Variants in DLST observed in about 807,000 individuals in gnomAD.
The protein encoded by DLST is dihydrolipoyllysine-residue succinyltransferase component of 2-oxoglutarate dehydrogenase complex, mitochondrial.
Under a neutral mutation model 53.1 loss-of-function variants are expected in DLST, and 17 were observed. The ratio of observed to expected loss-of-function variants is 0.32; its 90% confidence interval spans 0.22 to 0.48. The LOEUF (loss-of-function observed/expected upper bound fraction) is 0.48, where lower values mean the gene tolerates loss of function less well. DLST is among the 20% of genes least tolerant of loss of function. The pLI, the probability that DLST is intolerant of heterozygous loss-of-function variation, is 0.99. For synonymous variants in DLST, 206 were observed against 204.8 expected (o/e 1.01, Z -0.05); for missense variants, 512 against 583.9 (o/e 0.88, Z 1.27).
At chr14:74,893,055 C>T in intron 8 of DLST, 69 bp downstream of exon 8, 1 of 1,260,902 alleles carries the variant, frequency 7.9e-7, no homozygotes, top group Non-Finnish European at 1.1e-6. Context: ...AAAGGGTAAA[C>T]TCTAGACTGA....
Position 74,899,928 on chromosome 14 carries a change from G to C in DLST, c.907G>C (p.Asp303His), listed in dbSNP as rs767091064. 1.9e-6 allele frequency: 3 copies of C among 1,612,262 alleles called. No homozygotes were observed. The Admixed American group carries it at 5.0e-5, about 27-fold the overall frequency. ...QEQPVVNAVI[D>H]DTTKEVVYRD... ...ATGTATTTTCTCTCTCATAGTGATT[G>C]ACGACACAACCAAAGAGGTGGTGTA... Residue 303 changes from aspartate to histidine, a missense_variant, in exon 12 of 15, where the codon GAC becomes CAC. This residue lies in a region of DLST where 186 missense variants were observed against 260.4 expected (regional missense o/e 0.71). Coordinates refer to ENST00000334220, the MANE Select transcript of DLST (RefSeq NM_001933.5).
intron 3 of DLST, among the ~76,000 whole-genome samples, chr14:74,886,891 G>A (rs914792413): frequency 6.6e-6 from 1 of 151,938 alleles, no homozygotes; most frequent in South Asian, 2.1e-4. Context: ...ACAGGCGCAC[G>A]CTACCACACC....
chr14:74,897,938 G>GGT (rs1021989901), intron 10 of DLST, among the ~76,000 whole-genome samples: 167 of 136,966 alleles, frequency 1.2e-3, no homozygotes, highest in African/African-American at 4.1e-3. Flanking sequence ...ATTTGGTGGG[G>GGT]TTTTTTTTTT....
At chr14:74,895,850 C>T (rs887629114) in intron 10 of DLST, among the ~76,000 whole-genome samples, 4 of 151,864 alleles carry the variant, frequency 2.6e-5, no homozygotes, top group Admixed American at 6.5e-5. Flanking sequence ...TGGCTGATAT[C>T]GCGCCACTGC....
intron 2 of DLST, among the ~76,000 whole-genome samples, chr14:74,884,474 T>G (rs1006393645): frequency 1.3e-5 from 2 of 152,148 alleles, no homozygotes; most frequent in African/African-American, 4.8e-5. Flanking sequence ...TCGCTTAACC[T>G]CCAAAAGTCC....
intron 10 of DLST, among the ~76,000 whole-genome samples, chr14:74,897,840 G>T (rs552445368): frequency 4.6e-5 from 7 of 151,988 alleles, no homozygotes; most frequent in Non-Finnish European, 8.8e-5. Context: ...GCTTTTTCCC[G>T]CATGGAGCCT....
At chr14:74,891,280 C>G in intron 7 of DLST, 113 bp downstream of exon 7, 1 of 1,528,614 alleles carries the variant, frequency 6.5e-7, no homozygotes, top group Non-Finnish European at 8.8e-7. Context: ...TCCAGCTGCC[C>G]TTAGTTGAGG....
chr14:74,903,430 C>A lies in DLST; in HGVS notation c.*1100C>A, dbSNP rs8014499. 0.13 allele frequency: 20,083 copies of A among 152,072 alleles called. 1,914 individuals are homozygous for A. Among genetic ancestry groups the A allele is most frequent in the African/African-American group, 0.27 (11,373 of 41,420 alleles). The allele number at this position is 152,072 out of a possible 1,614,324, so 9.4% of individuals were successfully genotyped here. ...TACCTAGTGGTGAAACGGATGAGGT[C>A]ATTTCTAAGGTGTGTTGCCCGTGGA... On this transcript the variant is annotated 3_prime_UTR_variant, in exon 15 of 15. Coordinates refer to ENST00000334220, the MANE Select transcript of DLST (RefSeq NM_001933.5).
chr14:74,885,289 G>A (rs1261765762), intron 2 of DLST, among the ~76,000 whole-genome samples: 1 of 152,196 alleles, frequency 6.6e-6, no homozygotes, highest in Non-Finnish European at 1.5e-5. Flanking sequence ...ATAATGAAAA[G>A]TTCTGGCTTT....
intron 1 of DLST, 103 bp downstream of exon 1, chr14:74,882,119 C>G: frequency 8.8e-7 from 1 of 1,142,754 alleles, no homozygotes; most frequent in Non-Finnish European, 1.1e-6. Context: ...GGGCCGGGCA[C>G]CAAGGGCACT....
rs965604823 is a variant in DLST, at chr14:74,903,294, G to A, written c.*964G>A. The A allele has an allele frequency of 1.3e-5, 2 of 152,730 alleles. No homozygotes were observed. Among genetic ancestry groups the A allele is most frequent in the Non-Finnish European group, 2.9e-5 (2 of 68,120 alleles). 9.5% of individuals were successfully genotyped at this position (152,730 alleles called of 1,614,324 possible). Reference sequence around the variant, plus strand: ...AAGTTGCTGTAAGCACCTGGGCTGAGGAGGCAGTTTTTGTTCCTTCCTGCG... The same window carrying A: ...AAGTTGCTGTAAGCACCTGGGCTGAAGAGGCAGTTTTTGTTCCTTCCTGCG... On this transcript the variant is annotated 3_prime_UTR_variant, in exon 15 of 15. Transcript: ENST00000334220.
chr14:74,887,074 G>A (rs1247727227), intron 3 of DLST, among the ~76,000 whole-genome samples: 1 of 151,864 alleles, frequency 6.6e-6, no homozygotes, highest in Non-Finnish European at 1.5e-5. Context: ...TCCATCTCTA[G>A]GAATCTATAC....
At chr14:74,885,562 TAA>T (rs754353111) in intron 2 of DLST, 22 bp from the exon 3 acceptor site, 18 of 1,613,706 alleles carry the variant, frequency 1.1e-5, no homozygotes, top group Non-Finnish European at 1.4e-5. Context: ...AGTTGTTGGT[TAA>T]GAGTTATTTT....
At chr14:74,893,113 A>G (rs960004559) in intron 8 of DLST, 127 bp downstream of exon 8, 5 of 1,249,490 alleles carry the variant, frequency 4.0e-6, no homozygotes, top group Non-Finnish European at 5.5e-6. Context: ...AAAGAATTCT[A>G]GACTTTGTAT....
rs1251437239 is a variant in DLST at position 74,882,637 on chromosome 14, C to G, written c.97+13C>G. ...CGTTCCCTGCCTGGTAAGTTCTGCC[C>G]TTACCGTCACCTAAAATGCTCTCCT... On this transcript the variant is annotated intron_variant, in intron 2 of 14. Coordinates refer to ENST00000334220, the MANE Select transcript of DLST (RefSeq NM_001933.5). 1.2e-6 allele frequency: 2 copies of G among 1,613,724 alleles called. No individual in the cohort carries two copies. The highest frequency in any genetic ancestry group is 1.7e-6 in the Non-Finnish European group (2 of 1,179,792).
chr14:74,882,774 T>C, intron 2 of DLST, 150 bp downstream of exon 2: 8 of 732,034 alleles, frequency 1.1e-5, no homozygotes, highest in Non-Finnish European at 1.9e-5. Context: ...TCACGAGCTA[T>C]CGCTTATTCA....
chr14:74,882,655 GCT>G, intron 2 of DLST, 31 bp downstream of exon 2: 1 of 1,611,330 alleles, frequency 6.2e-7, no homozygotes, highest in Non-Finnish European at 8.5e-7. Context: ...CACCTAAAAT[GCT>G]CTCCTCCTGG....
chr14:74,893,399 G>T lies in DLST; in HGVS notation c.647G>T (p.Gly216Val), dbSNP rs199961137. ...CCACCACTAGCTGAGCCAGGAGCTG[G>T]CAAAGGTCTGCGTTCAGAACATCGG... ...VAPPLAEPGA[G>V]KGLRSEHREK... Residue 216 changes from glycine (G) to valine (V), a missense_variant, in exon 9 of 15, where the codon GGC (glycine) becomes GTC (valine). Gly to Val is a moderately radical substitution (Grantham distance 109). Around this residue, in one of 4 missense-constraint regions of DLST, gnomAD observed 162 missense variants for 162.0 expected, o/e 1.00. Coordinates refer to ENST00000334220, the MANE Select transcript of DLST (RefSeq NM_001933.5). The T allele has an allele frequency of 3.8e-4, 616 of 1,614,090 alleles. No homozygotes were observed. The highest frequency in any genetic ancestry group is 4.8e-4 in the Non-Finnish European group (564 of 1,180,042).
chr14:74,890,174 C>A (rs1025084253), intron 6 of DLST, among the ~76,000 whole-genome samples: 1 of 129,984 alleles, frequency 7.7e-6, no homozygotes, highest in Admixed American at 8.8e-5. Flanking sequence ...GTTGCCCAGG[C>A]TGGAGTGCAA....
Sources: gnomAD v4.1 joint callset for allele counts (sites outside exome capture counted in the v4.1 genomes callset) on GRCh38, gnomAD v4.1.1 for gene constraint, gnomAD v4.1.1 regional missense constraint, MANE v1.5 for transcripts, NCBI Gene and HGNC (gene_info 2026-07-23, HGNC 2026-07-21) for gene names.